Variants in TBX19 observed in about 807,000 individuals in gnomAD.
TBX19 encodes the protein T-box transcription factor 19, also known as T-box transcription factor TBX19.
In TBX19, 33 loss-of-function variants were observed where a neutral mutation model predicts 40.9. The observed-to-expected ratio is 0.81, with a 90% CI of 0.61 to 1.08. The LOEUF is 1.08. Ranked by LOEUF, TBX19 falls within the 50% of genes least tolerant of loss-of-function variation. The probability of loss-of-function intolerance (pLI) is 0.00; values close to 1 mark genes in which losing one functional copy is unlikely to be tolerated. For missense variants in TBX19, 494 were observed against 574.0 expected (o/e 0.86, Z 1.42); for synonymous variants, 220 against 225.0 (o/e 0.98, Z 0.20).
intron 1 of TBX19, among the ~76,000 whole-genome samples, chr1:168,286,844 A>T (rs1185722931): frequency 1.3e-5 from 2 of 152,240 alleles, no homozygotes; most frequent in Non-Finnish European, 2.9e-5. Context: ...CATCCCTGCC[A>T]GCAATGTATG....
intron 5 of TBX19, among the ~76,000 whole-genome samples, chr1:168,303,245 T>C (rs941601553): frequency 6.6e-6 from 1 of 152,274 alleles, no homozygotes; most frequent in East Asian, 1.9e-4. Context: ...CCTGTGTCCA[T>C]GTGCTCTCAT....
chr1:168,284,516 A>T (rs542306752), intron 1 of TBX19, among the ~76,000 whole-genome samples: 1 of 152,184 alleles, frequency 6.6e-6, no homozygotes, highest in South Asian at 2.1e-4. Context: ...CTCTACAAAA[A>T]ATTTAAACAA....
At position 168,302,501 on chromosome 1, in the gene TBX19, G is replaced by A. The variant is rs182835652; in HGVS notation, c.727+2018G>A. ...CTTAGCTGAGGCATGGTCAGCGGGA[G>A]AACAAGCTTCTTGTTTTGGGGCCTG... On this transcript the variant is annotated intron_variant, in intron 5 of 7. Transcript: ENST00000367821. Among the ~76,000 whole-genome samples the A allele has an allele frequency of 2.6e-5, 4 of 152,204 alleles. No individual in the cohort carries two copies. In the East Asian group the frequency reaches 7.7e-4, roughly 29 times the overall value.
chr1:168,283,076 G>T (rs1648703234), intron 1 of TBX19, among the ~76,000 whole-genome samples: 2 of 152,168 alleles, frequency 1.3e-5, no homozygotes, highest in Non-Finnish European at 2.9e-5. Context: ...CCAGTGTGGT[G>T]GTGTGCTCCT....
intron 3 of TBX19, 45 bp downstream of exon 3, chr1:168,293,323 GTGTAAC>G: frequency 6.5e-7 from 1 of 1,535,386 alleles, no homozygotes; most frequent in African/African-American, 1.4e-5. Flanking sequence ...GTGTGTGTGT[GTGTAAC>G]TGTCACCTGG....
intron 6 of TBX19, among the ~76,000 whole-genome samples, chr1:168,307,072 G>A (rs1649420650): frequency 6.6e-6 from 1 of 152,144 alleles, no homozygotes; most frequent in Admixed American, 6.5e-5. Flanking sequence ...CAAAGATACA[G>A]AAAGGGGAAA....
At chr1:168,284,679 G>T in intron 1 of TBX19, among the ~76,000 whole-genome samples, 1 of 149,882 alleles carries the variant, frequency 6.7e-6, no homozygotes, top group East Asian at 2.0e-4. Context: ...GGGAGGCTGA[G>T]GTGGGAGATC....
At position 168,305,067 on chromosome 1, in the gene TBX19, C is replaced by G. The variant is rs769787387; in HGVS notation, c.787C>G (p.Gln263Glu). 2 of 1,614,028 alleles carry G rather than the reference C, an allele frequency of 1.2e-6. No individual in the cohort carries two copies. The highest frequency in any genetic ancestry group is 1.7e-6 in the Non-Finnish European group (2 of 1,180,038). ...GTGCACAGCAGGAAACTCCAATTAC[C>G]AGTATGCCGCTCCTCTGCCTCTGCC... ...GVCTAGNSNY[Q>E]YAAPLPLPAP... The change falls in exon 6 of 8, where the codon CAG becomes GAG. Residue 263 changes from glutamine (Q) to glutamate (E), a missense_variant. This residue lies in a region of TBX19 where 284 missense variants were observed against 307.3 expected (regional missense o/e 0.92). Transcript: ENST00000367821.
rs746223471 is a variant in TBX19 at position 168,300,496 on chromosome 1, T to C, written c.727+13T>C. 6.2e-6 allele frequency: 10 copies of C among 1,613,828 alleles called. No individual in the cohort carries two copies. The highest frequency in any genetic ancestry group is 8.5e-6 in the Non-Finnish European group (10 of 1,179,826). ...ACCTATTCTCACTGTGAGTTGGGTG[T>C]ACATGAGGCGGGAGGTGCGTGGGGC... On this transcript the variant is annotated intron_variant, in intron 5 of 7. Transcript: ENST00000367821.
chr1:168,311,531 G>T (rs919682750), intron 7 of TBX19, among the ~76,000 whole-genome samples: 67 of 152,290 alleles, frequency 4.4e-4, no homozygotes, highest in African/African-American at 1.5e-3. Flanking sequence ...GTCCAAAGAG[G>T]CCTGTAGCAT....
chr1:168,286,459 T>C (rs12083539), intron 1 of TBX19, among the ~76,000 whole-genome samples: 12,389 of 152,308 alleles, frequency 0.081, 916 homozygotes, highest in African/African-American at 0.2. Flanking sequence ...ATCATGGACA[T>C]TTGATATCCT....
At chr1:168,291,106 G>A in intron 1 of TBX19, 54 bp from the exon 2 acceptor site, 1 of 1,612,956 alleles carries the variant, frequency 6.2e-7, no homozygotes, top group South Asian at 1.1e-5. Flanking sequence ...CCTGGACAAG[G>A]TGAGAGTTCC....
At chr1:168,310,058 T>C (rs1649485934) in intron 7 of TBX19, among the ~76,000 whole-genome samples, 1 of 152,078 alleles carries the variant, frequency 6.6e-6, no homozygotes, top group Non-Finnish European at 1.5e-5. Context: ...TCTCAGCACT[T>C]TGGGAGGCCG....
At chr1:168,283,790 T>C (rs78683037) in intron 1 of TBX19, among the ~76,000 whole-genome samples, 2,817 of 152,268 alleles carry the variant, frequency 0.019, 105 homozygotes, top group African/African-American at 0.063. Flanking sequence ...CTGGGCCCTT[T>C]TTCATTGACA....
chr1:168,307,279 T>A (rs1649424728), intron 6 of TBX19, among the ~76,000 whole-genome samples: 1 of 152,176 alleles, frequency 6.6e-6, no homozygotes, highest in South Asian at 2.1e-4. Context: ...AATAGACCTT[T>A]ATTTTCTCAT....
chr1:168,281,014 G>A lies in TBX19; in HGVS notation c.-77G>A. 7.0e-7 allele frequency: 1 copy of A among 1,419,084 alleles called. No homozygotes were observed. Among genetic ancestry groups the A allele is most frequent in the African/African-American group, 1.4e-5 (1 of 71,374 alleles). The allele number at this position is 1,419,084 out of a possible 1,614,324, so 87.9% of individuals were successfully genotyped here. A position where few individuals can be genotyped will look rare whatever the true frequency, so the allele number is the denominator to read the frequency against. ...AGCACTGTTCAAGTGGGTTTGAAAA[G>A]CAGGCAAGTGAGGGAAGGAAGAAGC... On this transcript the variant is annotated 5_prime_UTR_variant, in exon 1 of 8. Coordinates refer to ENST00000367821, the MANE Select transcript of TBX19 (RefSeq NM_005149.3).
Position 168,312,880 on chromosome 1 carries a change from G to A in TBX19, c.1225G>A (p.Gly409Arg), listed in dbSNP as rs771266794. 1.5e-5 allele frequency: 25 copies of A among 1,614,098 alleles called. No individual in the cohort carries two copies. The highest frequency in any genetic ancestry group is 1.5e-4 in the South Asian group (14 of 91,086). The stretch of plus-strand genomic sequence containing the variant: ...CACTTCGGCTGGTGTGGAGGTTCTG[G>A]GGGAGCCCTCGCTAACCAGCATTGC... Reference protein sequence around the residue: ...APTSAGVEVLGEPSLTSIAVS... With the variant: ...APTSAGVEVLREPSLTSIAVS... Residue 409 changes from glycine (G) to arginine (R), a missense_variant, in exon 8 of 8, where the codon GGG becomes AGG. Gly to Arg is a moderately radical substitution (Grantham distance 125). Coordinates refer to ENST00000367821, the MANE Select transcript of TBX19 (RefSeq NM_005149.3).
intron 4 of TBX19, among the ~76,000 whole-genome samples, chr1:168,300,151 C>T (rs1376126377): frequency 2.6e-5 from 4 of 152,014 alleles, no homozygotes; most frequent in African/African-American, 9.7e-5. Context: ...GGAGCAATAT[C>T]CCCAAATTAT....
chr1:168,298,893 T>C (rs1352992849), intron 4 of TBX19, among the ~76,000 whole-genome samples: 18 of 117,904 alleles, frequency 1.5e-4, no homozygotes, highest in African/African-American at 6.7e-4. Context: ...CTTTCTTTCT[T>C]TCTTTCTCTC....
Sources: allele counts gnomAD v4.1 joint callset (sites outside exome capture counted in the v4.1 genomes callset), GRCh38; gene constraint gnomAD v4.1.1; regional missense constraint gnomAD v4.1.1; transcripts MANE v1.5; gene names NCBI Gene and HGNC (gene_info 2026-07-23, HGNC 2026-07-21).